The following PHYH variants were observed in gnomAD, a reference collection of about 807,000 sequenced individuals.
PHYH encodes phytanoyl-CoA dioxygenase, peroxisomal.
A neutral mutation model predicts 38.5 loss-of-function variants in PHYH; 32 were observed. The observed-to-expected ratio is 0.83, with a 90% CI of 0.63 to 1.12. PHYH has a LOEUF of 1.12. Ranked by LOEUF, PHYH falls within the 50% of genes most tolerant of loss-of-function variation. The pLI, the probability that PHYH is intolerant of heterozygous loss-of-function variation, is 0.00. For synonymous variants in PHYH, 166 were observed against 157.9 expected (o/e 1.05, Z -0.38); for missense variants, 426 against 434.8 (o/e 0.98, Z 0.18).
At chr10:13,285,193 G>T (rs946423513) in intron 6 of PHYH, among the ~76,000 whole-genome samples, 4 of 151,938 alleles carry the variant, frequency 2.6e-5, no homozygotes, top group Admixed American at 6.6e-5. Flanking sequence ...TATTATTATT[G>T]TTATTACTGA....
intron 3 of PHYH, 143 bp downstream of exon 3, chr10:13,295,353 C>T: frequency 1.6e-6 from 1 of 640,412 alleles, no homozygotes; most frequent in Non-Finnish European, 2.8e-6. Flanking sequence ...GCCAGTCTGG[C>T]ACCAGAGCCC....
At chr10:13,298,358 G>A in intron 1 of PHYH, 113 bp from the exon 2 acceptor site, 1 of 676,040 alleles carries the variant, frequency 1.5e-6, no homozygotes, top group South Asian at 1.5e-5. Context: ...CTTGAGCTCA[G>A]GAGTTCGAGA....
At chr10:13,296,198 C>A (rs1387928296) in intron 2 of PHYH, among the ~76,000 whole-genome samples, 1 of 151,516 alleles carries the variant, frequency 6.6e-6, no homozygotes, top group African/African-American at 2.4e-5. Context: ...AAAACAAGAA[C>A]CTAGGAAACG....
chr10:13,290,010 G>A (rs566561343), intron 5 of PHYH, among the ~76,000 whole-genome samples: 15 of 143,318 alleles, frequency 1.0e-4, no homozygotes, highest in Non-Finnish European at 2.0e-4. Flanking sequence ...GGCTCACGCC[G>A]GTAATCCCAG....
At chr10:13,286,073 AATT>A (rs1243246418) in intron 6 of PHYH, among the ~76,000 whole-genome samples, 1 of 151,664 alleles carries the variant, frequency 6.6e-6, no homozygotes, top group African/African-American at 2.4e-5. Flanking sequence ...ATGCCCAGCT[AATT>A]ATTATTATTA....
intron 4 of PHYH, among the ~76,000 whole-genome samples, chr10:13,292,213 C>T (rs1467056419): frequency 6.6e-6 from 1 of 152,172 alleles, no homozygotes; most frequent in Non-Finnish European, 1.5e-5. Context: ...TCAACCCAAG[C>T]AACAGAAGGT....
At chr10:13,284,773 A>T (rs1300017461) in intron 6 of PHYH, among the ~76,000 whole-genome samples, 1 of 152,082 alleles carries the variant, frequency 6.6e-6, no homozygotes, top group Non-Finnish European at 1.5e-5. Flanking sequence ...AAAGAAATTG[A>T]CATGAGAAGC....
chr10:13,295,315 G>A, intron 3 of PHYH, 181 bp downstream of exon 3: 2 of 587,184 alleles, frequency 3.4e-6, no homozygotes, highest in South Asian at 2.0e-5. Context: ...ACAACAGAGT[G>A]AGAACCTTTC....
At position 13,288,922 on chromosome 10, in the gene PHYH, CAAAAAAAAAAAAAA is replaced by C. The variant is rs36019637; in HGVS notation, c.497-395_497-382del. Among the ~76,000 whole-genome samples the C allele has an allele frequency of 6.7e-3, 275 of 40,956 alleles. 14 individuals carry two copies. Among genetic ancestry groups the C allele is most frequent in the South Asian group, 1.7e-3 (1 of 578 alleles). 26.9% of individuals were successfully genotyped at this position (40,956 alleles called of 152,430 possible). On this transcript the variant is annotated intron_variant, in intron 5 of 8. Transcript: ENST00000263038. ...CGAGTCCCTGTCCCCCACCCCCAAC[CAAAAAAAAAAAAAA>C]AAAAAAAAAAAAGCTGGTCTCAGAA...
chr10:13,294,598 T>C lies in PHYH; in HGVS notation c.246-2A>G. Reference sequence around the variant, plus strand: ...CTGCAGATTTTTTCAAACTCATTCCTAGAAAATTTAATTTGCAAATGATGT... The same window carrying C: ...CTGCAGATTTTTTCAAACTCATTCCCAGAAAATTTAATTTGCAAATGATGT... On this transcript the variant is annotated splice_acceptor_variant, in intron 3 of 8. Transcript: ENST00000263038. LOFTEE classifies it high-confidence loss of function. The C allele has an allele frequency of 6.2e-7, 1 of 1,613,766 alleles. No homozygotes were observed. Among genetic ancestry groups the C allele is most frequent in the South Asian group, 1.1e-5 (1 of 91,078 alleles).
intron 2 of PHYH, among the ~76,000 whole-genome samples, chr10:13,297,912 T>C (rs1448731550): frequency 2.0e-5 from 3 of 151,366 alleles, no homozygotes; most frequent in Non-Finnish European, 4.4e-5. Flanking sequence ...CTGGGCAACA[T>C]AGGAAGGGCC....
Position 13,298,216 on chromosome 10 carries a change from G to A in PHYH, c.105C>T (p.Ser35=). 6.2e-7 allele frequency: 1 copy of A among 1,607,032 alleles called. No homozygotes were observed. Among genetic ancestry groups the A allele is most frequent in the East Asian group, 2.2e-5 (1 of 44,828 alleles). ...VVAHPTSGTI[S]SASFHPQQFQ... is the part of the protein sequence containing the mutation. ...ATTGTTGAGGATGGAAACTGGCAGA[G>A]GAAATAGTCCCTGAAGTGGGATGAG... The change falls in exon 2 of 9, where the codon TCC becomes TCT. Residue 35 remains serine, a synonymous_variant. Transcript: ENST00000263038.
intron 7 of PHYH, among the ~76,000 whole-genome samples, chr10:13,282,888 T>G (rs528744116): frequency 2.2e-4 from 34 of 152,074 alleles, no homozygotes; most frequent in Non-Finnish European, 4.3e-4. Flanking sequence ...TGCCCCAACT[T>G]GTCCCACCCT....
intron 2 of PHYH, among the ~76,000 whole-genome samples, chr10:13,296,762 C>G (rs1017864872): frequency 3.4e-5 from 5 of 146,126 alleles, no homozygotes; most frequent in Non-Finnish European, 4.5e-5. Flanking sequence ...CGGGACCATC[C>G]TGGCTAACAC....
intron 2 of PHYH, 35 bp downstream of exon 2, chr10:13,298,152 T>G: frequency 7.4e-7 from 1 of 1,347,520 alleles, no homozygotes; most frequent in Admixed American, 1.7e-5. Context: ...TTTATATACA[T>G]AATATATTTC....
intron 4 of PHYH, among the ~76,000 whole-genome samples, chr10:13,293,006 A>T (rs1835751875): frequency 6.6e-6 from 1 of 152,098 alleles, no homozygotes; most frequent in African/African-American, 2.4e-5. Context: ...GATTCTGCAA[A>T]AAAAAGACTC....
At chr10:13,299,918 G>T in intron 1 of PHYH, 50 bp downstream of exon 1, 14 of 1,490,538 alleles carry the variant, frequency 9.4e-6, no homozygotes, top group Non-Finnish European at 1.1e-5. Context: ...CACTCAGGCG[G>T]CGGCGCCGGC....
At chr10:13,281,884 G>A (rs1472639842) in intron 7 of PHYH, among the ~76,000 whole-genome samples, 1 of 152,184 alleles carries the variant, frequency 6.6e-6, no homozygotes, top group African/African-American at 2.4e-5. Context: ...AGAGCCCAAG[G>A]CAAAGGGAAA....
At position 13,278,111 on chromosome 10, in the gene PHYH, G is replaced by GT. The variant is rs3839912; in HGVS notation, c.*189dup. On this transcript the variant is annotated 3_prime_UTR_variant, in exon 9 of 9. Transcript: ENST00000263038. ...AAAACAGTAATATTTCACTTTTACTGTTTTTTTTTTCCATTAAAGCAACAC... is the reference window on the plus strand; with the variant it reads ...AAAACAGTAATATTTCACTTTTACTGTTTTTTTTTTTCCATTAAAGCAACAC... The GT allele has an allele frequency of 0.04, 21,257 of 528,108 alleles. 252 individuals are homozygous for GT. Among genetic ancestry groups the GT allele is most frequent in the Non-Finnish European group, 0.047 (13,817 of 291,558 alleles). The allele number at this position is 528,108 out of a possible 1,614,324, so 32.7% of individuals were successfully genotyped here.
Sources: gnomAD v4.1 joint callset for allele counts (sites outside exome capture counted in the v4.1 genomes callset) on GRCh38, gnomAD v4.1.1 for gene constraint, MANE v1.5 for transcripts, NCBI Gene and HGNC (gene_info 2026-07-23, HGNC 2026-07-21) for gene names.